NOX5: variants seen among roughly 807,000 people sequenced by gnomAD.
NOX5 encodes the protein NADPH oxidase 5.
Under a neutral mutation model 85.7 loss-of-function variants are expected in NOX5, and 76 were observed. That is an observed-to-expected ratio of 0.89 (90% CI 0.74 to 1.07). The LOEUF (loss-of-function observed/expected upper bound fraction) is 1.07. NOX5 is among the 50% of genes least tolerant of loss of function. The pLI is 0.00. For missense variants in NOX5, 973 were observed against 999.5 expected (o/e 0.97, Z 0.36); for synonymous variants, 405 against 401.4 (o/e 1.01, Z -0.11).
rs939699420 is a variant in NOX5, at chr15:69,035,515, A to G, written c.1009+8A>G. 7.4e-6 allele frequency: 12 copies of G among 1,613,970 alleles called. No homozygotes were observed. Among genetic ancestry groups the G allele is most frequent in the Non-Finnish European group, 1.0e-5 (12 of 1,179,914 alleles). The stretch of plus-strand genomic sequence containing the variant: ...CTCACACTGTGAACTTTGGTGAGTG[A>G]TCTGGGGCAGGGTTGGGTCGGGGAG... On this transcript the variant is annotated splice_region_variant and intron_variant, in intron 6 of 15. Coordinates refer to ENST00000388866, the MANE Select transcript of NOX5 (RefSeq NM_024505.4).
At position 69,025,145 on chromosome 15, in the gene NOX5, C is replaced by T. The variant is rs544565466; in HGVS notation, c.51-1383C>T. Reference sequence around the variant, plus strand: ...CTCAGGGCACAATATTTTTGTCAAACGATCAATAAGTTGCCTTGTTTTATG... The same window carrying T: ...CTCAGGGCACAATATTTTTGTCAAATGATCAATAAGTTGCCTTGTTTTATG... On this transcript the variant is annotated intron_variant, in intron 1 of 15. Coordinates refer to ENST00000388866, the MANE Select transcript of NOX5 (RefSeq NM_024505.4). Among the ~76,000 whole-genome samples, 12 of 152,248 alleles carry T rather than the reference C, an allele frequency of 7.9e-5. 1 individual carries two copies. In the South Asian group the frequency reaches 2.3e-3, roughly 29 times the overall value.
At chr15:69,023,751 C>A in intron 1 of NOX5, 1 of 168,230 alleles carries the variant, frequency 5.9e-6, no homozygotes. Flanking sequence ...CAAAGGTGGA[C>A]ACCTTCATCA....
intron 15 of NOX5, 22 bp from the exon 16 acceptor site, chr15:69,056,543 T>G (rs1218725927): frequency 2.5e-6 from 4 of 1,610,726 alleles, no homozygotes; most frequent in Non-Finnish European, 3.4e-6. Flanking sequence ...CCTCTTCTCT[T>G]CCTCAACCCC....
At position 69,057,976 on chromosome 15, in the gene NOX5, C is replaced by CA. The variant is rs1297952483; in HGVS notation, c.*1281dup. The CA allele has an allele frequency of 1.3e-5, 2 of 152,336 alleles. No individual in the cohort carries two copies. Among genetic ancestry groups the CA allele is most frequent in the Non-Finnish European group, 2.9e-5 (2 of 68,166 alleles). The allele number at this position is 152,336 out of a possible 1,614,324, so 9.4% of individuals were successfully genotyped here. On this transcript the variant is annotated 3_prime_UTR_variant, in exon 16 of 16. Coordinates refer to ENST00000388866, the MANE Select transcript of NOX5 (RefSeq NM_024505.4). Reference sequence around the variant, plus strand: ...GGGAGGAGCGGCCCTGGGCAGAGGACAGGGTGGGCCTCACCTCCTCCATCT... The same window carrying CA: ...GGGAGGAGCGGCCCTGGGCAGAGGACAAGGGTGGGCCTCACCTCCTCCATCT...
rs1254403182 is a variant in NOX5, at chr15:69,058,703, A to G, written c.*2007A>G. On this transcript the variant is annotated 3_prime_UTR_variant, in exon 16 of 16. Transcript: ENST00000388866. ...ATTTCCAGCAAGCCTGGGGAGGCAC[A>G]CAACTCACCAGGGAAACTCACACCT... The G allele has an allele frequency of 6.6e-6, 1 of 152,214 alleles. No individual in the cohort carries two copies. The highest frequency in any genetic ancestry group is 1.5e-5 in the Non-Finnish European group (1 of 68,050). 9.4% of individuals were successfully genotyped at this position (152,214 alleles called of 1,614,324 possible). A position where few individuals can be genotyped will look rare whatever the true frequency, so the allele number is the denominator to read the frequency against.
intron 14 of NOX5, 112 bp downstream of exon 14, chr15:69,049,170 A>G (rs1274303353): frequency 3.4e-6 from 2 of 596,760 alleles, no homozygotes; most frequent in Non-Finnish European, 5.5e-6. Context: ...GAACCATTTA[A>G]CCATTAAAGT....
In NOX5 at chr15:69,056,618, T is replaced by C. The variant is rs1359237986; in HGVS notation, c.2220T>C (p.Cys740=). 6.2e-7 allele frequency: 1 copy of C among 1,613,702 alleles called. No homozygotes were observed. Among genetic ancestry groups the C allele is most frequent in the Non-Finnish European group, 8.5e-7 (1 of 1,180,034 alleles). The stretch of plus-strand genomic sequence containing the variant: ...AGGGCAAGGTGCAGGTCTTCTTCTG[T>C]GGCTCCCCAGCTCTGGCCAAGGTGC... The part of the protein sequence containing the change: ...EKKGKVQVFF[C]GSPALAKVLK... The change falls in exon 16 of 16, where the codon TGT becomes TGC. Residue 740 remains cysteine (C), a synonymous_variant. Transcript: ENST00000388866.
At chr15:69,045,475 T>TC (rs1411952787) in intron 10 of NOX5, among the ~76,000 whole-genome samples, 2 of 139,672 alleles carry the variant, frequency 1.4e-5, no homozygotes. Context: ...CTTCCTTCCC[T>TC]CCCTTCCTCC....
Position 69,055,418 on chromosome 15 carries a change from A to T in NOX5, c.2084A>T (p.Asp695Val). Reference sequence around the variant, plus strand: ...GCCATTGGCCTGCAGATGGCCCTTGACCTCCTGGCCAACAAGGAGAAGAAA... The same window carrying T: ...GCCATTGGCCTGCAGATGGCCCTTGTCCTCCTGGCCAACAAGGAGAAGAAA... ...MKAIGLQMAL[D>V]LLANKEKKDS... is the part of the protein sequence containing the mutation. The change falls in exon 15 of 16, where the codon GAC (aspartate) becomes GTC (valine). Residue 695 changes from aspartate to valine, a missense_variant. By Grantham distance (152) the Asp-to-Val change is radical. Coordinates refer to ENST00000388866, the MANE Select transcript of NOX5 (RefSeq NM_024505.4). 1 of 1,614,132 alleles carries T rather than the reference A, an allele frequency of 6.2e-7. No homozygotes were observed.
Position 69,031,810 on chromosome 15 carries a change from C to T in NOX5, c.618C>T (p.Ile206=). Residue 206 remains isoleucine (I), a splice_region_variant and synonymous_variant, in exon 4 of 16, where the codon ATC becomes ATT. Coordinates refer to ENST00000388866, the MANE Select transcript of NOX5 (RefSeq NM_024505.4). ...CCGGAGTCATGGAGAACCTGACCAT[C>T]AGGTACGGCCGGGTCTCGGGCATTG... ...RFPGVMENLT[I]SAAHWLTAPA... The T allele has an allele frequency of 6.3e-7, 1 of 1,593,106 alleles. No individual in the cohort carries two copies. The highest frequency in any genetic ancestry group is 8.6e-7 in the Non-Finnish European group (1 of 1,164,794).
At chr15:69,045,582 T>TTTCTTTCTTCCC (rs1567105245) in intron 10 of NOX5, among the ~76,000 whole-genome samples, 48 of 44,284 alleles carry the variant, frequency 1.1e-3, no homozygotes, top group African/African-American at 5.2e-3. Flanking sequence ...CCTTTCTTTC[T>TTTCTTTCTTCCC]TTTCTTTCTT....
intron 5 of NOX5, among the ~76,000 whole-genome samples, 155 bp downstream of exon 5, chr15:69,033,432 C>T (rs1374991977): frequency 6.6e-6 from 1 of 152,180 alleles, no homozygotes; most frequent in East Asian, 1.9e-4. Flanking sequence ...TGGAGGACGC[C>T]GCCCAGAGAG....
chr15:69,037,766 G>C (rs2050541115), intron 8 of NOX5: 1 of 152,772 alleles, frequency 6.5e-6, no homozygotes, highest in African/African-American at 2.4e-5. Context: ...ATTGTGAAAG[G>C]GTATACTGTG....
intron 7 of NOX5, 109 bp downstream of exon 7, chr15:69,036,045 C>T: frequency 6.9e-7 from 1 of 1,446,310 alleles, no homozygotes; most frequent in South Asian, 1.3e-5. Context: ...CCAAGCTGGT[C>T]TGCATATTAT....
In NOX5 at chr15:69,058,588, C is replaced by G. The variant is rs529543308; in HGVS notation, c.*1892C>G. 6.6e-6 allele frequency: 1 copy of G among 152,208 alleles called. No individual in the cohort carries two copies. Among genetic ancestry groups the G allele is most frequent in the South Asian group, 2.1e-4 (1 of 4,818 alleles). The allele number at this position is 152,208 out of a possible 1,614,324, so 9.4% of individuals were successfully genotyped here. ...GTTTGGGTGGGTGGAAAGCGGGGCT[C>G]GTGCTTGCACCAAGCCTCCATCTCC... On this transcript the variant is annotated 3_prime_UTR_variant, in exon 16 of 16. Coordinates refer to ENST00000388866, the MANE Select transcript of NOX5 (RefSeq NM_024505.4).
intron 9 of NOX5, among the ~76,000 whole-genome samples, chr15:69,042,318 T>C (rs2050605062): frequency 6.6e-6 from 1 of 152,234 alleles, no homozygotes; most frequent in Admixed American, 6.5e-5. Context: ...AACCATTGAA[T>C]AGCAGGAGGG....
chr15:69,025,893 C>T (rs1167340670), intron 1 of NOX5, among the ~76,000 whole-genome samples: 4 of 152,102 alleles, frequency 2.6e-5, no homozygotes, highest in Non-Finnish European at 4.4e-5. Flanking sequence ...TAGAAGACAA[C>T]CTGGGCCTGA....
chr15:69,028,223 T>C lies in NOX5; in HGVS notation c.183T>C (p.Phe61=), dbSNP rs759173083. 1.3e-4 allele frequency: 211 copies of C among 1,604,646 alleles called. 2 individuals are homozygous for C. The South Asian group carries it at 2.3e-3, about 17-fold the overall frequency. ...KAALHVKESF[F]AERFFALFDS... is the part of the protein sequence containing the mutation. ...ACCCTTCTCGCCCACAGTCCTTCTT[T>C]GCAGAGCGATTCTTTGCCCTATTTG... Residue 61 remains phenylalanine, a synonymous_variant, in exon 3 of 16, where the codon TTT becomes TTC. Coordinates refer to ENST00000388866, the MANE Select transcript of NOX5 (RefSeq NM_024505.4).
intron 10 of NOX5, among the ~76,000 whole-genome samples, chr15:69,045,186 T>A (rs2050646211): frequency 6.6e-6 from 1 of 152,256 alleles, no homozygotes; most frequent in Non-Finnish European, 1.5e-5. Flanking sequence ...TGGATGTCTC[T>A]GAAGCCAATC....
Sources: gnomAD v4.1 joint callset for allele counts (sites outside exome capture counted in the v4.1 genomes callset) on GRCh38, gnomAD v4.1.1 for gene constraint, MANE v1.5 for transcripts, NCBI Gene and HGNC (gene_info 2026-07-23, HGNC 2026-07-21) for gene names.